NEGR1: variants seen among roughly 807,000 people sequenced by gnomAD.
NEGR1 encodes the protein neuronal growth regulator 1.
NEGR1 carries 10 observed loss-of-function variants against 40.9 expected under a neutral mutation model. The observed-to-expected ratio is 0.24, with a 90% CI of 0.15 to 0.42. NEGR1 has a LOEUF of 0.42. Ranked by LOEUF, NEGR1 falls within the 10% of genes least tolerant of loss-of-function variation. The pLI is 1.00. For missense variants in NEGR1, 352 were observed against 438.9 expected (o/e 0.80, Z 1.77); for synonymous variants, 185 against 166.8 (o/e 1.11, Z -0.84).
intron 1 of NEGR1, among the ~76,000 whole-genome samples, chr1:72,260,949 A>C (rs1442182038): frequency 6.6e-6 from 1 of 152,116 alleles, no homozygotes; most frequent in Non-Finnish European, 1.5e-5. Flanking sequence ...ATGTCTGTCC[A>C]TATTAATATA....
chr1:71,508,459 T>C (rs1477025396), intron 6 of NEGR1, among the ~76,000 whole-genome samples: 2 of 151,712 alleles, frequency 1.3e-5, no homozygotes, highest in South Asian at 2.1e-4. Flanking sequence ...TAGGATGGGC[T>C]ACTATACGAA....
chr1:71,840,642 G>T (rs1275319894), intron 2 of NEGR1, among the ~76,000 whole-genome samples: 1 of 152,064 alleles, frequency 6.6e-6, no homozygotes, highest in Non-Finnish European at 1.5e-5. Context: ...AAAAGTTCCA[G>T]TGGATAAATG....
chr1:71,915,463 C>A (rs554352646), intron 2 of NEGR1, among the ~76,000 whole-genome samples: 2 of 152,054 alleles, frequency 1.3e-5, no homozygotes, highest in Admixed American at 6.5e-5. Flanking sequence ...TATGAATGCA[C>A]ACACAAACCT....
At chr1:71,938,368 A>T (rs2100238567) in intron 1 of NEGR1, among the ~76,000 whole-genome samples, 1 of 151,132 alleles carries the variant, frequency 6.6e-6, no homozygotes, top group South Asian at 2.1e-4. Flanking sequence ...TAGGCCAAAC[A>T]TACACACATA....
intron 6 of NEGR1, among the ~76,000 whole-genome samples, chr1:71,469,032 A>G (rs1646765667): frequency 6.6e-6 from 1 of 152,054 alleles, no homozygotes; most frequent in East Asian, 1.9e-4. Context: ...AAAACATCGT[A>G]AAGAGGTTGT....
chr1:71,435,619 A>C (rs1351814036), intron 6 of NEGR1, among the ~76,000 whole-genome samples: 1 of 152,162 alleles, frequency 6.6e-6, no homozygotes, highest in Non-Finnish European at 1.5e-5. Context: ...CTAACTCCCT[A>C]TTTTGAATGA....
chr1:71,758,183 A>G (rs1655807168), intron 3 of NEGR1, among the ~76,000 whole-genome samples: 1 of 152,096 alleles, frequency 6.6e-6, no homozygotes, highest in Non-Finnish European at 1.5e-5. Context: ...GCTCTATATA[A>G]TATTGCCTTT....
intron 1 of NEGR1, among the ~76,000 whole-genome samples, chr1:71,962,528 T>C (rs75391336): frequency 0.023 from 3,489 of 152,122 alleles, 125 homozygotes; most frequent in African/African-American, 0.079. Flanking sequence ...CTGCAATCAT[T>C]CGTATAATGA....
intron 1 of NEGR1, among the ~76,000 whole-genome samples, chr1:72,075,257 T>C (rs1647674560): frequency 6.6e-6 from 1 of 152,266 alleles, no homozygotes. Context: ...TGGTACAGTT[T>C]TTACAATTTC....
chr1:71,407,586 A>AAAGATT lies in NEGR1; in HGVS notation c.941-22_941-17dup. The AAAGATT allele has an allele frequency of 6.2e-7, 1 of 1,610,406 alleles. No individual in the cohort carries two copies. The highest frequency in any genetic ancestry group is 8.5e-7 in the Non-Finnish European group (1 of 1,177,674). The stretch of plus-strand genomic sequence containing the variant: ...GTACTTGGAGCTGGAAAGAAATGGA[A>AAAGATT]AAGATTAAATCAAAATCTAATTTGT... On this transcript the variant is annotated splice_polypyrimidine_tract_variant and intron_variant, in intron 6 of 6. Transcript: ENST00000357731.
chr1:71,986,367 G>T (rs10889938), intron 1 of NEGR1, among the ~76,000 whole-genome samples: 83,226 of 151,922 alleles, frequency 0.55, 24,352 homozygotes, highest in African/African-American at 0.74. Context: ...TTAAGTTTTC[G>T]TTTCTACTTC....
chr1:72,271,979 T>C (rs1655861961), intron 1 of NEGR1, among the ~76,000 whole-genome samples: 2 of 151,926 alleles, frequency 1.3e-5, no homozygotes, highest in African/African-American at 4.8e-5. Context: ...TGTGGAACTG[T>C]AAGTCCAATT....
chr1:71,499,509 T>C (rs892203862), intron 6 of NEGR1, among the ~76,000 whole-genome samples: 1 of 148,242 alleles, frequency 6.7e-6, no homozygotes, highest in African/African-American at 2.4e-5. Flanking sequence ...ATATGTTATA[T>C]ATATTATTAT....
At position 72,046,822 on chromosome 1, in the gene NEGR1, T is replaced by A. The variant is rs80243975; in HGVS notation, c.177-111511A>T. Among the ~76,000 whole-genome samples the A allele has an allele frequency of 2.3e-4, 35 of 151,686 alleles. No homozygotes were observed. In the East Asian group the frequency reaches 6.6e-3, roughly 29 times the overall value. On this transcript the variant is annotated intron_variant, in intron 1 of 6. Coordinates refer to ENST00000357731, the MANE Select transcript of NEGR1 (RefSeq NM_173808.3). ...GTACGTAAATTTGTCAGAAGAAACT[T>A]AATGTATAAAAAATTAACACAGATA...
chr1:72,160,558 T>A (rs1200872489), intron 1 of NEGR1, among the ~76,000 whole-genome samples: 1 of 152,098 alleles, frequency 6.6e-6, no homozygotes, highest in Admixed American at 6.6e-5. Context: ...AGTCAAATAG[T>A]TCAAGTATTG....
chr1:71,953,885 C>A (rs535020548), intron 1 of NEGR1, among the ~76,000 whole-genome samples: 1 of 151,788 alleles, frequency 6.6e-6, no homozygotes, highest in Admixed American at 6.6e-5. Context: ...AATGTAAACA[C>A]AACTTTTGTT....
chr1:71,477,815 T>C (rs2101367293), intron 6 of NEGR1, among the ~76,000 whole-genome samples: 1 of 152,058 alleles, frequency 6.6e-6, no homozygotes, highest in South Asian at 2.1e-4. Flanking sequence ...TGGCCTTTGA[T>C]CTTACAAAGA....
intron 3 of NEGR1, among the ~76,000 whole-genome samples, chr1:71,760,547 A>T (rs1383332148): frequency 4.6e-5 from 7 of 152,220 alleles, no homozygotes; most frequent in Non-Finnish European, 1.0e-4. Flanking sequence ...TTCATTCATT[A>T]TATAATTATC....
intron 1 of NEGR1, among the ~76,000 whole-genome samples, chr1:71,967,862 A>G (rs1169075191): frequency 5.9e-5 from 9 of 152,190 alleles, no homozygotes; most frequent in Non-Finnish European, 1.5e-5. Context: ...GCACAGACTT[A>G]TGAGCAGTGC....
Sources: gnomAD v4.1 joint callset for allele counts (sites outside exome capture counted in the v4.1 genomes callset) on GRCh38, gnomAD v4.1.1 for gene constraint, MANE v1.5 for transcripts, NCBI Gene and HGNC (gene_info 2026-07-23, HGNC 2026-07-21) for gene names.